Variants in PCDHGA9 observed in about 807,000 individuals in gnomAD.
PCDHGA9 encodes protocadherin gamma-A9.
Under a neutral mutation model 62.5 loss-of-function variants are expected in PCDHGA9, and 37 were observed. That is an observed-to-expected ratio of 0.59 (90% CI 0.46 to 0.78). The LOEUF is 0.78. Ranked by LOEUF, PCDHGA9 falls within the 30% of genes least tolerant of loss-of-function variation. The pLI, the probability that PCDHGA9 is intolerant of heterozygous loss-of-function variation, is 0.00. For synonymous variants in PCDHGA9, 459 were observed against 484.6 expected (o/e 0.95, Z 0.69); for missense variants, 1,138 against 1,166.2 (o/e 0.98, Z 0.35).
rs751874380 is a variant in PCDHGA9 at position 141,486,055 on chromosome 5, C to A, written c.2425-8752C>A. ...CTGATCGTGTAAGAAACCTCTTTAG[C>A]CTGCACCCCACTACTGGAAAGCTTA... On this transcript the variant is annotated intron_variant, in intron 1 of 3. Transcript: ENST00000573521. The surrounding 1 kb of genome is among the most constrained non-coding windows in gnomAD (Gnocchi z 5.0). The A allele has an allele frequency of 6.2e-7, 1 of 1,614,170 alleles. No individual in the cohort carries two copies. Among genetic ancestry groups the A allele is most frequent in the South Asian group, 1.1e-5 (1 of 91,072 alleles).
intron 1 of PCDHGA9, chr5:141,415,758 T>G (rs200061978): frequency 0.08 from 111,079 of 1,380,048 alleles, 1,979 homozygotes; most frequent in African/African-American, 0.17. Context: ...TTTTTTTTTT[T>G]TTTTTTTTTT....
At position 141,403,224 on chromosome 5, in the gene PCDHGA9, A is replaced by G. The variant is rs753308307; in HGVS notation, c.272A>G (p.Asp91Gly). ...SGTLVTAGRI[D>G]REELCAQSPR... ...ACCTTGGTCACCGCGGGTAGGATAG[A>G]CCGGGAGGAGCTCTGTGCTCAGAGC... The change falls in exon 1 of 4, where the codon GAC (aspartate) becomes GGC (glycine). Residue 91 changes from aspartate to glycine, a missense_variant. Asp to Gly is a moderately conservative substitution (Grantham distance 94, BLOSUM62 -1). Coordinates refer to ENST00000573521, the MANE Select transcript of PCDHGA9 (RefSeq NM_018921.3). The G allele has an allele frequency of 2.0e-5, 32 of 1,613,820 alleles. No individual in the cohort carries two copies. The highest frequency in any genetic ancestry group is 2.5e-5 in the Non-Finnish European group (29 of 1,179,916).
intron 1 of PCDHGA9, chr5:141,413,729 GAGTTC>G: frequency 6.2e-7 from 1 of 1,613,496 alleles, no homozygotes; most frequent in Non-Finnish European, 8.5e-7. Flanking sequence ...TTCTCCCTAA[GAGTTC>G]AGAGCCGTGC....
Position 141,431,655 on chromosome 5 carries a change from G to A in PCDHGA9, c.2424+26279G>A, listed in dbSNP as rs199998405. On this transcript the variant is annotated intron_variant, in intron 1 of 3. Transcript: ENST00000573521. This position sits in a 1 kb window ranked among gnomAD's most constrained non-coding sequence, Gnocchi z 4.8. Reference sequence around the variant, plus strand: ...GTTTTCAAACTAGATTGTAATTCAGGGACAATATCAACAATAGGGGAGTTG... The same window carrying A: ...GTTTTCAAACTAGATTGTAATTCAGAGACAATATCAACAATAGGGGAGTTG... 52 of 1,614,208 alleles carry A rather than the reference G, an allele frequency of 3.2e-5. No individual in the cohort carries two copies. The highest frequency in any genetic ancestry group is 3.3e-4 in the Middle Eastern group (2 of 6,062).
At chr5:141,444,774 AT>A (rs2098446962) in intron 1 of PCDHGA9, among the ~76,000 whole-genome samples, 1 of 152,018 alleles carries the variant, frequency 6.6e-6, no homozygotes, top group Non-Finnish European at 1.5e-5. Context: ...TATATTCTTG[AT>A]CATGTTTCAT....
chr5:141,510,893 G>C (rs1334514746), intron 3 of PCDHGA9, 54 bp from the exon 4 acceptor site: 1 of 1,612,722 alleles, frequency 6.2e-7, no homozygotes, highest in African/African-American at 1.3e-5. Context: ...ATAAGACAGT[G>C]ACTGTTGAGG....
In PCDHGA9 at chr5:141,407,217, G is replaced by C. The variant is rs181833770; in HGVS notation, c.2424+1841G>C. 5.8e-3 allele frequency among the ~76,000 whole-genome samples: 885 copies of C among 151,964 alleles called. 4 individuals carry two copies. Among genetic ancestry groups the C allele is most frequent in the Non-Finnish European group, 9.1e-3 (620 of 67,966 alleles). ...TCAAACACGTTTTCCCCCTTAAGTG[G>C]GTAGCAAAAAAAATAAAGCATACTT... On this transcript the variant is annotated intron_variant, in intron 1 of 3. Transcript: ENST00000573521.
At position 141,403,136 on chromosome 5, in the gene PCDHGA9, C is replaced by T; in HGVS notation, c.184C>T (p.Arg62Cys). Residue 62 changes from arginine (R) to cysteine (C), a missense_variant, in exon 1 of 4, where the codon CGC becomes TGC. Physicochemically the swap from Arg to Cys is radical, Grantham distance 180. Transcript: ENST00000573521. ...LALEPRELAE[R>C]RVRIVSRGRT... ...TCTGGAGCCCCGGGAGCTGGCGGAG[C>T]GCCGAGTCCGCATCGTCTCTAGAGG... The T allele has an allele frequency of 6.2e-7, 1 of 1,614,006 alleles. No individual in the cohort carries two copies. Among genetic ancestry groups the T allele is most frequent in the South Asian group, 1.1e-5 (1 of 91,080 alleles).
At chr5:141,492,673 C>T (rs2099743035) in intron 1 of PCDHGA9, among the ~76,000 whole-genome samples, 1 of 152,250 alleles carries the variant, frequency 6.6e-6, no homozygotes, top group Non-Finnish European at 1.5e-5. Flanking sequence ...GGGACTCCGT[C>T]TCAAGGGTCG....
rs762314174 is a variant in PCDHGA9 at position 141,404,905 on chromosome 5, GC to G, written c.1958del (p.Pro653LeufsTer10). 10 of 1,613,910 alleles carry G rather than the reference GC, an allele frequency of 6.2e-6. No individual in the cohort carries two copies. Among genetic ancestry groups the G allele is most frequent in the Middle Eastern group, 1.7e-4 (1 of 6,060 alleles). On this transcript the variant is annotated frameshift_variant, in exon 1 of 4. Transcript: ENST00000573521. LOFTEE classifies it high-confidence loss of function. ...TGGTGGCTGTACAGGACCATGGCCA[GC>G]CCCCTCTCTCGGCCACTGTCACGCT... Reference protein sequence around the residue: ...LVVAVQDHGQPPLSATVTLTV... With the variant: ...LVVAVQDHGQXPLSATVTLTV...
Position 141,478,415 on chromosome 5 carries a change from C to A in PCDHGA9, c.2425-16392C>A, listed in dbSNP as rs182700706. 5.6e-6 allele frequency: 9 copies of A among 1,613,648 alleles called. No homozygotes were observed. In the East Asian group the frequency reaches 2.0e-4, roughly 36 times the overall value. ...TCAGGTGTATCTCACCACGGACTCC[C>A]GCCGCAGCGACCCGCTGCTGAAGAA... On this transcript the variant is annotated intron_variant, in intron 1 of 3. Coordinates refer to ENST00000573521, the MANE Select transcript of PCDHGA9 (RefSeq NM_018921.3).
intron 1 of PCDHGA9, chr5:141,423,830 G>A (rs527344048): frequency 5.5e-6 from 7 of 1,273,204 alleles, no homozygotes; most frequent in African/African-American, 3.1e-5. Flanking sequence ...CCTTTCATGA[G>A]ATTACGATAA....
Position 141,476,525 on chromosome 5 carries a change from A to T in PCDHGA9, c.2425-18282A>T, listed in dbSNP as rs766638463. On this transcript the variant is annotated intron_variant, in intron 1 of 3. Coordinates refer to ENST00000573521, the MANE Select transcript of PCDHGA9 (RefSeq NM_018921.3). This position sits in a 1 kb window ranked among gnomAD's most constrained non-coding sequence, Gnocchi z 7.6. ...CAACGACAACAATCCTGCTTTCCCTACCCAGGAAATGAAATTGGAGATTAG... is the reference window on the plus strand; with the variant it reads ...CAACGACAACAATCCTGCTTTCCCTTCCCAGGAAATGAAATTGGAGATTAG... The T allele has an allele frequency of 6.2e-7, 1 of 1,614,068 alleles. No homozygotes were observed. The highest frequency in any genetic ancestry group is 2.2e-5 in the East Asian group (1 of 44,854).
chr5:141,415,400 C>G (rs754292889), intron 1 of PCDHGA9: 3 of 1,614,110 alleles, frequency 1.9e-6, no homozygotes, highest in Non-Finnish European at 2.5e-6. Context: ...GTGTCCGGCT[C>G]GCACTTTGTG....
At position 141,414,753 on chromosome 5, in the gene PCDHGA9, T is replaced by C. The variant is rs10041534; in HGVS notation, c.2424+9377T>C. 7.9e-4 allele frequency: 1,273 copies of C among 1,614,202 alleles called. 15 individuals carry two copies. The African/African-American group carries it at 0.015, about 19-fold the overall frequency. ...TGTATGCACTCAGATCCTTCGACTA[T>C]GAGCAGTTTCATGAGCTACAGATGC... On this transcript the variant is annotated intron_variant, in intron 1 of 3. Transcript: ENST00000573521.
In PCDHGA9 at chr5:141,418,980, A is replaced by G; in HGVS notation, c.2424+13604A>G. 1 of 1,614,004 alleles carries G rather than the reference A, an allele frequency of 6.2e-7. No individual in the cohort carries two copies. ...GTTGCCCTCTTCAAAACACGGGACC[A>G]AGACTCAGGGGAAAATGGGGAAGTC... On this transcript the variant is annotated intron_variant, in intron 1 of 3. Transcript: ENST00000573521.
In PCDHGA9 at chr5:141,490,925, C is replaced by T; in HGVS notation, c.2425-3882C>T. 1 of 1,613,688 alleles carries T rather than the reference C, an allele frequency of 6.2e-7. No homozygotes were observed. The highest frequency in any genetic ancestry group is 8.5e-7 in the Non-Finnish European group (1 of 1,179,700). On this transcript the variant is annotated intron_variant, in intron 1 of 3. Coordinates refer to ENST00000573521, the MANE Select transcript of PCDHGA9 (RefSeq NM_018921.3). The surrounding 1 kb of genome is among the most constrained non-coding windows in gnomAD (Gnocchi z 5.4). ...GTCCTAGACGAGAATGATAATGCCC[C>T]AGCTGTGCTGCACCCACGGCCAGAC... is the stretch of plus-strand genomic sequence containing the variant.
intron 1 of PCDHGA9, among the ~76,000 whole-genome samples, chr5:141,437,811 C>A (rs964885701): frequency 6.6e-6 from 1 of 150,864 alleles, no homozygotes; most frequent in African/African-American, 2.4e-5. Flanking sequence ...TATCTTGGCT[C>A]ACTGCAACCT....
chr5:141,509,785 C>T (rs1445220885), intron 3 of PCDHGA9, among the ~76,000 whole-genome samples: 1 of 152,166 alleles, frequency 6.6e-6, no homozygotes, highest in African/African-American at 2.4e-5. Context: ...CCGAGATCAT[C>T]ATCTCCTCAG....
Sources: allele counts gnomAD v4.1 joint callset (sites outside exome capture counted in the v4.1 genomes callset), GRCh38; gene constraint gnomAD v4.1.1; non-coding constraint Gnocchi (gnomAD v3.1); transcripts MANE v1.5; gene names NCBI Gene and HGNC (gene_info 2026-07-23, HGNC 2026-07-21).